NRG3: variants seen among roughly 807,000 people sequenced by gnomAD.
NRG3 encodes pro-neuregulin-3, membrane-bound isoform.
NRG3 carries 31 observed loss-of-function variants against 66.9 expected under a neutral mutation model. The ratio of observed to expected loss-of-function variants is 0.46; its 90% CI spans 0.35 to 0.63. The LOEUF (loss-of-function observed/expected upper bound fraction) is 0.63. Among genes scored for constraint, NRG3 ranks in the 20% least tolerant of loss-of-function variants. The pLI, the probability that NRG3 is intolerant of heterozygous loss-of-function variation, is 0.00. For missense variants in NRG3, 910 were observed against 878.9 expected (o/e 1.04, Z -0.45); for synonymous variants, 393 against 359.4 (o/e 1.09, Z -1.06).
chr10:82,769,577 G>A (rs11812780), intron 3 of NRG3, among the ~76,000 whole-genome samples: 1,770 of 152,180 alleles, frequency 0.012, 34 homozygotes, highest in African/African-American at 0.037. Context: ...TTTAGGATAT[G>A]TGTGATTCAG....
rs145155313 is a variant in NRG3 at position 82,895,418 on chromosome 10, A to G, written c.1054+29981A>G. 3.4e-3 allele frequency among the ~76,000 whole-genome samples: 511 copies of G among 152,268 alleles called. 4 individuals are homozygous for G. The highest frequency in any genetic ancestry group is 0.012 in the African/African-American group (490 of 41,540). On this transcript the variant is annotated intron_variant, in intron 4 of 8. Transcript: ENST00000372141. Reference sequence around the variant, plus strand: ...AAGGCATAAACATGAAACATTAAACAAGAGAGTTTAATCATATTTTAAGAT... The same window carrying G: ...AAGGCATAAACATGAAACATTAAACGAGAGAGTTTAATCATATTTTAAGAT...
At chr10:82,479,811 C>CA (rs904530979) in intron 2 of NRG3, among the ~76,000 whole-genome samples, 4 of 150,858 alleles carry the variant, frequency 2.7e-5, no homozygotes, top group Admixed American at 6.6e-5. Context: ...ACTAAAAACA[C>CA]AAAAAAATTA....
chr10:82,671,217 C>G (rs2053244887), intron 2 of NRG3, among the ~76,000 whole-genome samples: 1 of 152,172 alleles, frequency 6.6e-6, no homozygotes, highest in Non-Finnish European at 1.5e-5. Flanking sequence ...ACTCCTTTGT[C>G]TCTTTCTTAG....
chr10:82,789,823 T>C (rs1427779367), intron 3 of NRG3, among the ~76,000 whole-genome samples: 3 of 146,914 alleles, frequency 2.0e-5, no homozygotes, highest in Non-Finnish European at 3.0e-5. Context: ...TTTAATTCCC[T>C]TTTTTTTTTA....
intron 2 of NRG3, among the ~76,000 whole-genome samples, chr10:82,561,850 G>A (rs1406427707): frequency 1.3e-5 from 2 of 152,266 alleles, no homozygotes; most frequent in Non-Finnish European, 2.9e-5. Context: ...TAGAGGTGAG[G>A]AGATGTCAGC....
At chr10:82,123,585 T>TG (rs1957210786) in intron 1 of NRG3, among the ~76,000 whole-genome samples, 1 of 152,186 alleles carries the variant, frequency 6.6e-6, no homozygotes, top group Non-Finnish European at 1.5e-5. Context: ...GTGTTCCTAG[T>TG]GTTTGCCCTC....
At chr10:82,426,355 G>A (rs2089438134) in intron 2 of NRG3, among the ~76,000 whole-genome samples, 1 of 151,986 alleles carries the variant, frequency 6.6e-6, no homozygotes, top group South Asian at 2.1e-4. Flanking sequence ...AATGATTTAT[G>A]ACTGTTGTTG....
chr10:81,875,611 G>A lies in NRG3; in HGVS notation c.271G>A (p.Val91Met). The part of the protein sequence containing the change: ...LSLMLLKWIV[V>M]GSVKEYVPTD... The stretch of plus-strand genomic sequence containing the variant: ...CCTCATGCTTCTCAAATGGATCGTG[G>A]TGGGCTCCGTCAAGGAGTACGTGCC... The change falls in exon 1 of 9, where the codon GTG (valine) becomes ATG (methionine). Residue 91 changes from valine (V) to methionine (M), a missense_variant. Coordinates refer to ENST00000372141, the MANE Select transcript of NRG3 (RefSeq NM_001010848.4). The surrounding 1 kb of genome is among the most constrained non-coding windows in gnomAD (Gnocchi z 5.3). 6.2e-7 allele frequency: 1 copy of A among 1,613,672 alleles called. No homozygotes were observed. The highest frequency in any genetic ancestry group is 8.5e-7 in the Non-Finnish European group (1 of 1,179,940).
At chr10:82,103,388 A>G (rs1462370324) in intron 1 of NRG3, among the ~76,000 whole-genome samples, 1 of 152,280 alleles carries the variant, frequency 6.6e-6, no homozygotes. Context: ...AATCCTCTGA[A>G]TGATATTGCT....
At chr10:82,114,052 G>A (rs979216141) in intron 1 of NRG3, among the ~76,000 whole-genome samples, 1 of 152,092 alleles carries the variant, frequency 6.6e-6, no homozygotes, top group Non-Finnish European at 1.5e-5. Context: ...TCCCTGCTCT[G>A]GACGTTTTAC....
chr10:81,968,593 C>T lies in NRG3; in HGVS notation c.823+92430C>T, dbSNP rs149727359. 6.0e-4 allele frequency among the ~76,000 whole-genome samples: 91 copies of T among 152,264 alleles called. No individual in the cohort carries two copies. The East Asian group carries it at 0.015, about 26-fold the overall frequency. On this transcript the variant is annotated intron_variant, in intron 1 of 8. Coordinates refer to ENST00000372141, the MANE Select transcript of NRG3 (RefSeq NM_001010848.4). ...TTAAAACTGGCATTTTGGATCTTTACGTAGTGGTATTTCCAAGTAAGAGGA... is the reference window on the plus strand; with the variant it reads ...TTAAAACTGGCATTTTGGATCTTTATGTAGTGGTATTTCCAAGTAAGAGGA...
intron 1 of NRG3, among the ~76,000 whole-genome samples, chr10:82,150,533 A>C (rs74688510): frequency 1.9e-5 from 2 of 107,044 alleles, no homozygotes; most frequent in East Asian, 2.6e-4. Context: ...GCACACACAA[A>C]AAAAAAAAAA....
chr10:82,143,896 GGTGCACACCCGTA>G (rs1485059705), intron 1 of NRG3, among the ~76,000 whole-genome samples: 1 of 151,966 alleles, frequency 6.6e-6, no homozygotes, highest in African/African-American at 2.4e-5. Context: ...AGGGCATGGT[GGTGCACACCCGTA>G]GTCCCAGTTA....
chr10:82,866,400 G>C (rs565636318), intron 4 of NRG3, among the ~76,000 whole-genome samples: 77 of 152,302 alleles, frequency 5.1e-4, no homozygotes, highest in Non-Finnish European at 1.0e-3. Context: ...TGACATATTT[G>C]AGAGACGTTA....
In NRG3 at chr10:81,950,792, C is replaced by T. The variant is rs368660571; in HGVS notation, c.823+74629C>T. On this transcript the variant is annotated intron_variant, in intron 1 of 8. Transcript: ENST00000372141. The stretch of plus-strand genomic sequence containing the variant: ...CCCCCAACACAGCTATAAAAGGCAA[C>T]GCTTTATGGAAAGAATGATACATTC... Among the ~76,000 whole-genome samples, 140 of 152,248 alleles carry T rather than the reference C, an allele frequency of 9.2e-4. 1 individual carries two copies. In the South Asian group the frequency reaches 0.021, roughly 23 times the overall value.
chr10:82,093,029 C>T (rs1466971982), intron 1 of NRG3, among the ~76,000 whole-genome samples: 1 of 152,160 alleles, frequency 6.6e-6, no homozygotes, highest in Non-Finnish European at 1.5e-5. Flanking sequence ...CACCTGTTAG[C>T]TTGCAAGTGA....
intron 2 of NRG3, among the ~76,000 whole-genome samples, chr10:82,558,545 C>G (rs1484332878): frequency 6.6e-6 from 1 of 152,072 alleles, no homozygotes; most frequent in Non-Finnish European, 1.5e-5. Context: ...TGAGGGGGTT[C>G]CTCGATTGCA....
intron 1 of NRG3, among the ~76,000 whole-genome samples, chr10:82,128,182 C>T (rs1590212197): frequency 6.6e-6 from 1 of 151,854 alleles, no homozygotes; most frequent in Admixed American, 6.6e-5. Context: ...TTACCTAGTT[C>T]CGGACAATCA....
chr10:81,889,114 A>G (rs1210239543), intron 1 of NRG3: 2 of 152,206 alleles, frequency 1.3e-5, no homozygotes, highest in Non-Finnish European at 2.9e-5. Flanking sequence ...ATTTGCAAGT[A>G]GAGATACAAG....
Sources: gnomAD v4.1 joint callset for allele counts (sites outside exome capture counted in the v4.1 genomes callset) on GRCh38, gnomAD v4.1.1 for gene constraint, Gnocchi (gnomAD v3.1) non-coding constraint, MANE v1.5 for transcripts, NCBI Gene and HGNC (gene_info 2026-07-23, HGNC 2026-07-21) for gene names.